GPC5: variants seen among roughly 807,000 people sequenced by gnomAD.
GPC5 encodes glypican-5.
Under a neutral mutation model 53.9 loss-of-function variants are expected in GPC5, and 47 were observed. The ratio of observed to expected loss-of-function variants is 0.87; its 90% CI spans 0.69 to 1.11. GPC5 has a LOEUF of 1.11. Ranked by LOEUF, GPC5 falls within the 50% of genes most tolerant of loss-of-function variation. The pLI is 0.00. For synonymous variants in GPC5, 286 were observed against 263.3 expected, an observed-to-expected ratio of 1.09 and a Z score of -0.84; for missense variants, 748 against 713.1, an observed-to-expected ratio of 1.05 and a Z score of -0.56.
intron 7 of GPC5, among the ~76,000 whole-genome samples, chr13:92,373,949 A>T (rs1320401406): frequency 6.6e-6 from 1 of 152,234 alleles, no homozygotes; most frequent in Non-Finnish European, 1.5e-5. Flanking sequence ...AGATGTAGTT[A>T]CTAAAATGCC....
chr13:91,877,681 A>C (rs1490122998), intron 5 of GPC5, among the ~76,000 whole-genome samples: 1 of 152,138 alleles, frequency 6.6e-6, no homozygotes, highest in Non-Finnish European at 1.5e-5. Context: ...TGGACTGTGA[A>C]TTTTTGGGTT....
chr13:92,824,276 G>A (rs1012641416), intron 7 of GPC5, among the ~76,000 whole-genome samples: 14 of 152,110 alleles, frequency 9.2e-5, no homozygotes, highest in South Asian at 2.1e-4. Context: ...TCTAGAAGCC[G>A]ACATTCTCAC....
chr13:91,985,834 G>T (rs2040401731), intron 6 of GPC5, among the ~76,000 whole-genome samples: 1 of 152,030 alleles, frequency 6.6e-6, no homozygotes, highest in African/African-American at 2.4e-5. Context: ...ACACCACATA[G>T]TGTATCTTCT....
At chr13:91,787,019 A>G (rs537107439) in intron 5 of GPC5, among the ~76,000 whole-genome samples, 1 of 151,280 alleles carries the variant, frequency 6.6e-6, no homozygotes, top group Admixed American at 6.6e-5. Flanking sequence ...CAATACTAGT[A>G]TACAGAAATG....
intron 6 of GPC5, among the ~76,000 whole-genome samples, chr13:92,026,378 T>G (rs191026135): frequency 7.0e-4 from 107 of 151,916 alleles, no homozygotes; most frequent in African/African-American, 2.4e-3. Context: ...AAAACAGAGT[T>G]CTCAATACTT....
intron 2 of GPC5, among the ~76,000 whole-genome samples, chr13:91,473,542 A>G (rs1236501427): frequency 6.6e-6 from 1 of 152,102 alleles, no homozygotes; most frequent in African/African-American, 2.4e-5. Flanking sequence ...CTGCTGTAAA[A>G]TTGTTGTACC....
chr13:92,023,085 C>A (rs1212108610), intron 6 of GPC5, among the ~76,000 whole-genome samples: 1 of 152,080 alleles, frequency 6.6e-6, no homozygotes, highest in Non-Finnish European at 1.5e-5. Flanking sequence ...TACCTAACAG[C>A]ATCTCAGAAA....
chr13:92,111,810 T>C (rs754060915), intron 6 of GPC5, among the ~76,000 whole-genome samples: 1 of 152,176 alleles, frequency 6.6e-6, no homozygotes, highest in Non-Finnish European at 1.5e-5. Flanking sequence ...TGCATCAACA[T>C]AAAGAATCTT....
intron 7 of GPC5, among the ~76,000 whole-genome samples, chr13:92,387,598 T>C (rs1437969014): frequency 1.3e-5 from 2 of 152,054 alleles, no homozygotes; most frequent in Admixed American, 6.6e-5. Flanking sequence ...AAATCCCTAT[T>C]ATTGTATACA....
At chr13:91,777,849 T>C (rs930844326) in intron 5 of GPC5, among the ~76,000 whole-genome samples, 1 of 152,204 alleles carries the variant, frequency 6.6e-6, no homozygotes, top group African/African-American at 2.4e-5. Context: ...TTTCAGAATA[T>C]GGTCAGATGA....
intron 7 of GPC5, among the ~76,000 whole-genome samples, chr13:92,363,553 A>T (rs1304207781): frequency 6.6e-6 from 1 of 151,774 alleles, no homozygotes; most frequent in Non-Finnish European, 1.5e-5. Flanking sequence ...TGCTGATCTA[A>T]CATGAGGTGG....
chr13:92,286,652 G>T (rs565477924), intron 7 of GPC5, among the ~76,000 whole-genome samples: 1 of 149,378 alleles, frequency 6.7e-6, no homozygotes, highest in Non-Finnish European at 1.5e-5. Flanking sequence ...ACCAAATACC[G>T]CATGTTCTCA....
chr13:92,093,999 G>A (rs889059716), intron 6 of GPC5, among the ~76,000 whole-genome samples: 2 of 152,148 alleles, frequency 1.3e-5, no homozygotes, highest in Non-Finnish European at 2.9e-5. Flanking sequence ...TTGGTTGAAT[G>A]ACATGTCATT....
At chr13:92,387,282 C>T (rs915602214) in intron 7 of GPC5, among the ~76,000 whole-genome samples, 8 of 152,148 alleles carry the variant, frequency 5.3e-5, no homozygotes, top group African/African-American at 1.4e-4. Flanking sequence ...CGTAATTTCC[C>T]CCAACTGTAG....
chr13:92,276,786 A>G (rs556035847), intron 7 of GPC5, among the ~76,000 whole-genome samples: 7 of 152,204 alleles, frequency 4.6e-5, no homozygotes, highest in Admixed American at 3.9e-4. Flanking sequence ...ATGACCTGCT[A>G]TAGATTTTAT....
intron 7 of GPC5, among the ~76,000 whole-genome samples, chr13:92,645,457 CT>C (rs2139157013): frequency 6.6e-6 from 1 of 152,254 alleles, no homozygotes; most frequent in Admixed American, 6.5e-5. Flanking sequence ...CTTGAAGAAG[CT>C]TTTTAAATCT....
At chr13:92,366,654 G>A (rs375279182) in intron 7 of GPC5, among the ~76,000 whole-genome samples, 3 of 148,070 alleles carry the variant, frequency 2.0e-5, no homozygotes, top group Admixed American at 6.6e-5. Flanking sequence ...CTAAGGCCAC[G>A]AGCATTTACA....
At chr13:92,032,676 G>A (rs890116515) in intron 6 of GPC5, among the ~76,000 whole-genome samples, 2 of 151,974 alleles carry the variant, frequency 1.3e-5, no homozygotes, top group Admixed American at 1.3e-4. Flanking sequence ...GTCCTGTATT[G>A]TAACTAAAGC....
intron 7 of GPC5, among the ~76,000 whole-genome samples, chr13:92,743,495 T>C (rs1291026415): frequency 6.6e-6 from 1 of 152,170 alleles, no homozygotes; most frequent in African/African-American, 2.4e-5. Context: ...GCTGAGACGA[T>C]GGGGTTTTCT....
Sources: allele counts gnomAD v4.1 joint callset (sites outside exome capture counted in the v4.1 genomes callset), GRCh38; gene constraint gnomAD v4.1.1; transcripts MANE v1.5; gene names NCBI Gene and HGNC (gene_info 2026-07-23, HGNC 2026-07-21).